Variants in ZMIZ1 observed in about 807,000 individuals in gnomAD.
ZMIZ1 encodes zinc finger MIZ-type containing 1.
In ZMIZ1, 17 loss-of-function variants were observed where a neutral mutation model predicts 113.9. That is an observed-to-expected ratio of 0.15 (90% confidence interval 0.10 to 0.22). ZMIZ1 has a LOEUF of 0.22. Ranked by LOEUF, ZMIZ1 falls within the 10% of genes least tolerant of loss-of-function variation. ZMIZ1 has a pLI of 1.00. For missense variants in ZMIZ1, 1,059 were observed against 1,477.8 expected, an observed-to-expected ratio of 0.72 and a Z score of 4.65; for synonymous variants, 607 against 603.1, an observed-to-expected ratio of 1.01 and a Z score of -0.09.
At chr10:79,178,271 G>A (rs954530687) in intron 4 of ZMIZ1, among the ~76,000 whole-genome samples, 5 of 152,172 alleles carry the variant, frequency 3.3e-5, no homozygotes, top group Admixed American at 6.5e-5. Flanking sequence ...GCTCATGGCC[G>A]CCCTTCAGCC....
At chr10:79,098,043 T>C (rs879573811) in intron 1 of ZMIZ1, among the ~76,000 whole-genome samples, 4 of 152,164 alleles carry the variant, frequency 2.6e-5, no homozygotes, top group Non-Finnish European at 5.9e-5. Flanking sequence ...TCGGAGGCCT[T>C]TGGAGGCTCT....
chr10:79,085,369 C>T (rs778632546), intron 1 of ZMIZ1, among the ~76,000 whole-genome samples: 4 of 152,216 alleles, frequency 2.6e-5, no homozygotes, highest in East Asian at 1.9e-4. Context: ...CCCAGCGTGA[C>T]GCCAGGCCCG....
At chr10:79,271,666 A>G (rs1851958539) in intron 7 of ZMIZ1, among the ~76,000 whole-genome samples, 1 of 152,236 alleles carries the variant, frequency 6.6e-6, no homozygotes, top group Non-Finnish European at 1.5e-5. Context: ...CCAGTGAAGC[A>G]GGCAGCTCCT....
chr10:79,108,896 C>T (rs1433978724), intron 1 of ZMIZ1, among the ~76,000 whole-genome samples: 3 of 152,042 alleles, frequency 2.0e-5, no homozygotes, highest in Non-Finnish European at 2.9e-5. Context: ...GGCCCCTGTG[C>T]ATGCATGTGC....
At chr10:79,148,786 C>T (rs881592) in intron 3 of ZMIZ1, among the ~76,000 whole-genome samples, 1,679 of 152,330 alleles carry the variant, frequency 0.011, 36 homozygotes, top group African/African-American at 0.038. Flanking sequence ...GGGTCCTGGC[C>T]TCCCACCAGG....
At chr10:79,104,950 G>GGGGTGTGTGTGTGTGTGTGT (rs1190362797) in intron 1 of ZMIZ1, among the ~76,000 whole-genome samples, 13 of 140,188 alleles carry the variant, frequency 9.3e-5, no homozygotes, top group African/African-American at 3.4e-4. Context: ...GTTGTTGTGG[G>GGGGTGTGTGTGTGTGTGTGT]GTGTGTGTGT....
At chr10:79,191,843 CTG>C (rs1847620069) in intron 4 of ZMIZ1, among the ~76,000 whole-genome samples, 1 of 152,204 alleles carries the variant, frequency 6.6e-6, no homozygotes, top group South Asian at 2.1e-4. Context: ...GTAGTAGCCT[CTG>C]TTTCTTCACC....
chr10:79,152,193 C>T (rs1204925133), intron 3 of ZMIZ1, among the ~76,000 whole-genome samples: 4 of 152,258 alleles, frequency 2.6e-5, no homozygotes, highest in South Asian at 2.1e-4. Context: ...AGATGAGATC[C>T]GAGGCAGCTT....
intron 7 of ZMIZ1, among the ~76,000 whole-genome samples, chr10:79,256,052 G>A (rs932790286): frequency 6.6e-6 from 1 of 152,200 alleles, no homozygotes; most frequent in African/African-American, 2.4e-5. Flanking sequence ...GCCCCCCAGG[G>A]CCCCTTCCTT....
At chr10:79,088,408 C>A (rs1262591778) in intron 1 of ZMIZ1, among the ~76,000 whole-genome samples, 1 of 152,172 alleles carries the variant, frequency 6.6e-6, no homozygotes. Flanking sequence ...CAAATGAGCT[C>A]CAGCTTGCCA....
At chr10:79,137,806 T>C (rs1193358029) in intron 2 of ZMIZ1, among the ~76,000 whole-genome samples, 1 of 147,786 alleles carries the variant, frequency 6.8e-6, no homozygotes, top group Non-Finnish European at 1.5e-5. Flanking sequence ...GGAGGACCTC[T>C]GAGAGGACGG....
intron 1 of ZMIZ1, among the ~76,000 whole-genome samples, chr10:79,112,542 C>T (rs1843788877): frequency 6.6e-6 from 1 of 152,132 alleles, no homozygotes; most frequent in African/African-American, 2.4e-5. Flanking sequence ...CCTGTAATAT[C>T]AGCATGGCTG....
At chr10:79,240,814 G>T (rs908156349) in intron 7 of ZMIZ1, among the ~76,000 whole-genome samples, 1 of 151,856 alleles carries the variant, frequency 6.6e-6, no homozygotes, top group Non-Finnish European at 1.5e-5. Context: ...TGTCTTTATT[G>T]AAGTTTCCTG....
intron 16 of ZMIZ1, 151 bp from the exon 17 acceptor site, chr10:79,300,581 C>G: frequency 9.8e-7 from 1 of 1,018,384 alleles, no homozygotes; most frequent in Non-Finnish European, 1.4e-6. Flanking sequence ...GAGGAGAACT[C>G]AGGCTGGGGG....
At chr10:79,303,237 G>A (rs928632889) in intron 18 of ZMIZ1, among the ~76,000 whole-genome samples, 3 of 151,816 alleles carry the variant, frequency 2.0e-5, no homozygotes, top group South Asian at 2.1e-4. Context: ...AGGCCGAGGC[G>A]GGAGTCCAGG....
intron 3 of ZMIZ1, among the ~76,000 whole-genome samples, chr10:79,150,218 A>T (rs1589340586): frequency 6.6e-6 from 1 of 150,962 alleles, no homozygotes; most frequent in African/African-American, 2.4e-5. Context: ...CCACCCGCCC[A>T]CCCAACAGGA....
chr10:79,269,752 C>G (rs1036711898), intron 7 of ZMIZ1, among the ~76,000 whole-genome samples: 1 of 152,146 alleles, frequency 6.6e-6, no homozygotes, highest in Non-Finnish European at 1.5e-5. Context: ...CTGTCCGCAC[C>G]TCCCCTTGCC....
At chr10:79,292,046 C>T (rs1589578803) in intron 10 of ZMIZ1, 112 bp from the exon 11 acceptor site, 1 of 977,942 alleles carries the variant, frequency 1.0e-6, no homozygotes. Flanking sequence ...GAGGCCCCGT[C>T]CCCTCTAGGT....
chr10:79,147,251 G>C (rs1440799974), intron 3 of ZMIZ1, among the ~76,000 whole-genome samples: 1 of 152,134 alleles, frequency 6.6e-6, no homozygotes, highest in Non-Finnish European at 1.5e-5. Context: ...CTGGACGACT[G>C]ACCTCCCTGC....
Sources: gnomAD v4.1 joint callset for allele counts (sites outside exome capture counted in the v4.1 genomes callset) on GRCh38, gnomAD v4.1.1 for gene constraint, MANE v1.5 for transcripts, NCBI Gene and HGNC (gene_info 2026-07-23, HGNC 2026-07-21) for gene names.